Variants in ANKRD26 observed in about 807,000 individuals in gnomAD.
ANKRD26 encodes ankyrin repeat domain 26.
ANKRD26 carries 141 observed loss-of-function variants against 208.7 expected under a neutral mutation model. The observed-to-expected ratio is 0.68, with a 90% CI of 0.59 to 0.78. The LOEUF is 0.78. Among genes scored for constraint, ANKRD26 ranks in the 30% least tolerant of loss-of-function variants. ANKRD26 has a pLI of 0.00. For synonymous variants in ANKRD26, 636 were observed against 660.4 expected, an observed-to-expected ratio of 0.96 and a Z score of 0.57; for missense variants, 1,889 against 1,938.7, an observed-to-expected ratio of 0.97 and a Z score of 0.48.
intron 4 of ANKRD26, 151 bp from the exon 5 acceptor site, chr10:27,086,760 A>AATT: frequency 4.3e-6 from 3 of 693,322 alleles, no homozygotes; most frequent in Non-Finnish European, 6.0e-6. Context: ...AGCTCTACAA[A>AATT]CTTTTTTGTT....
In ANKRD26 at chr10:27,013,006, G is replaced by C; in HGVS notation, c.4829C>G (p.Pro1610Arg). Residue 1610 changes from proline to arginine, a missense_variant, in exon 32 of 34, where the codon CCT becomes CGT. By Grantham distance (103) the Pro-to-Arg change is moderately radical. Coordinates refer to ENST00000376087, the MANE Select transcript of ANKRD26 (RefSeq NM_014915.3). ...ACTATTATTAAGATTTCCCACACAA[G>C]GTGGCTCCATGACTGGCCTGGTAGT... ...TLTTRPVMEP[P>R]CVGNLNNSLD... 2 of 1,614,020 alleles carry C rather than the reference G, an allele frequency of 1.2e-6. No individual in the cohort carries two copies. Among genetic ancestry groups the C allele is most frequent in the Non-Finnish European group, 1.7e-6 (2 of 1,179,958 alleles).
At chr10:26,984,454 CA>C (rs1266656026) in intron 3 of ANKRD26, among the ~76,000 whole-genome samples, 1 of 152,166 alleles carries the variant, frequency 6.6e-6, no homozygotes, top group African/African-American at 2.4e-5. Context: ...AATTGTGCAG[CA>C]CATGAATTAG....
chr10:27,051,056 T>C, intron 16 of ANKRD26: 1 of 1,237,406 alleles, frequency 8.1e-7, no homozygotes, highest in Non-Finnish European at 1.0e-6. Context: ...AGCAAACCTC[T>C]ACCTCTTTTT....
chr10:26,984,044 C>A (rs116800409), intron 3 of ANKRD26, among the ~76,000 whole-genome samples: 1 of 152,120 alleles, frequency 6.6e-6, no homozygotes, highest in African/African-American at 2.4e-5. Context: ...CGGGCTACAG[C>A]AGACGGCAGT....
intron 24 of ANKRD26, among the ~76,000 whole-genome samples, chr10:27,034,231 T>G (rs946364991): frequency 6.6e-6 from 1 of 152,220 alleles, no homozygotes; most frequent in African/African-American, 2.4e-5. Context: ...CAATATGTAA[T>G]TTGAGATTGA....
intron 4 of ANKRD26, among the ~76,000 whole-genome samples, chr10:27,088,065 C>T (rs2056179742): frequency 3.3e-5 from 5 of 152,178 alleles, no homozygotes; most frequent in Admixed American, 3.3e-4. Flanking sequence ...GAATTAAAGA[C>T]GTGAGCCACT....
intron 6 of ANKRD26, 103 bp from the exon 7 acceptor site, chr10:27,079,264 A>G (rs964795402): frequency 3.3e-6 from 3 of 899,826 alleles, no homozygotes; most frequent in African/African-American, 3.3e-5. Flanking sequence ...CAAAAAAACA[A>G]AAACCTGGTG....
exon 6 of ANKRD26, among the ~76,000 whole-genome samples, chr10:26,974,540 C>T (rs2052197167): frequency 6.6e-6 from 1 of 152,094 alleles, no homozygotes; most frequent in Non-Finnish European, 1.5e-5. Context: ...TTGGGTTTCA[C>T]CGTGTTAGCC....
chr10:27,035,180 C>T lies in ANKRD26; in HGVS notation c.3270G>A (p.Lys1090=). 6.2e-7 allele frequency: 1 copy of T among 1,614,000 alleles called. No homozygotes were observed. The highest frequency in any genetic ancestry group is 8.5e-7 in the Non-Finnish European group (1 of 1,179,912). ...FHHTRDALRE[K]TLGLERVQKD... is the part of the protein sequence containing the mutation. ...TTTGTACCCGTTCTAAACCCAAAGT[C>T]TTTTCTCTGAGGGCATCTCTCGTGT... Residue 1090 remains lysine, a synonymous_variant, in exon 24 of 34, where the codon AAG becomes AAA. Transcript: ENST00000376087.
At chr10:26,983,952 G>C (rs1382454364) in intron 3 of ANKRD26, among the ~76,000 whole-genome samples, 1 of 152,178 alleles carries the variant, frequency 6.6e-6, no homozygotes, top group African/African-American at 2.4e-5. Flanking sequence ...ACTGGAAATA[G>C]GCATGGTTGG....
intron 16 of ANKRD26, chr10:27,051,982 A>G (rs1327879035): frequency 1.0e-6 from 1 of 985,260 alleles, no homozygotes; most frequent in East Asian, 1.1e-4. Context: ...TTTTGCACAC[A>G]AGGAAGTCCT....
At chr10:27,039,242 A>G (rs949387477) in intron 21 of ANKRD26, among the ~76,000 whole-genome samples, 1 of 152,138 alleles carries the variant, frequency 6.6e-6, no homozygotes, top group Non-Finnish European at 1.5e-5. Flanking sequence ...TCACAAGGTC[A>G]GGAGTTCAAG....
Position 27,012,922 on chromosome 10 carries a change from G to A in ANKRD26, c.4913C>T (p.Pro1638Leu). 1 of 1,613,986 alleles carries A rather than the reference G, an allele frequency of 6.2e-7. No homozygotes were observed. The highest frequency in any genetic ancestry group is 8.5e-7 in the Non-Finnish European group (1 of 1,179,916). ...CTCCATGCTATTATTTGAAGCCCGTGGATTTGAGGTAGAGATCACTAAGTT... is the reference window on the plus strand; with the variant it reads ...CTCCATGCTATTATTTGAAGCCCGTAGATTTGAGGTAGAGATCACTAAGTT... The part of the protein sequence containing the change: ...RENLVISTSN[P>L]RASNNSMENY... Residue 1638 changes from proline (P) to leucine (L), a missense_variant, in exon 32 of 34, where the codon CCA (proline) becomes CTA (leucine). By Grantham distance (98) the Pro-to-Leu change is moderately conservative. Transcript: ENST00000376087.
At chr10:27,061,320 A>T (rs1328329029) in intron 12 of ANKRD26, 78 bp from the exon 13 acceptor site, 1 of 894,336 alleles carries the variant, frequency 1.1e-6, no homozygotes, top group Admixed American at 2.1e-5. Flanking sequence ...ACAGAATTAG[A>T]TATTAATAAC....
intron 3 of ANKRD26, among the ~76,000 whole-genome samples, chr10:26,985,891 C>T (rs1370823933): frequency 6.6e-6 from 1 of 152,158 alleles, no homozygotes; most frequent in Non-Finnish European, 1.5e-5. Flanking sequence ...CCCCATCAAG[C>T]TACCAATGAC....
intron 13 of ANKRD26, among the ~76,000 whole-genome samples, chr10:27,060,927 T>C (rs1471561700): frequency 2.6e-5 from 4 of 152,214 alleles, no homozygotes; most frequent in African/African-American, 9.7e-5. Flanking sequence ...CGACAGCATA[T>C]CTTTAATGCA....
At chr10:26,960,161 G>A in the ANKRD26 span, among the ~76,000 whole-genome samples, 105 of 151,430 alleles carry the variant, frequency 6.9e-4, no homozygotes, top group African/African-American at 2.4e-3. Flanking sequence ...AAAAAAAAAA[G>A]GGGGGGTAGT....
At chr10:27,011,286 TTGCTA>T (rs1394564835) in intron 32 of ANKRD26, among the ~76,000 whole-genome samples, 3 of 152,228 alleles carry the variant, frequency 2.0e-5, no homozygotes, top group African/African-American at 7.2e-5. Context: ...AGACAGGGTC[TTGCTA>T]TGCTGCCCAG....
intron 15 of ANKRD26, among the ~76,000 whole-genome samples, chr10:27,059,491 G>A (rs558413622): frequency 1.0e-3 from 153 of 152,276 alleles, no homozygotes; most frequent in Non-Finnish European, 1.8e-3. Flanking sequence ...ATGGGAATGG[G>A]AACGATAGCG....
Sources: gnomAD v4.1 joint callset for allele counts (sites outside exome capture counted in the v4.1 genomes callset) on GRCh38, gnomAD v4.1.1 for gene constraint, MANE v1.5 for transcripts, NCBI Gene and HGNC (gene_info 2026-07-23, HGNC 2026-07-21) for gene names.